KDM5A: variants seen among roughly 807,000 people sequenced by gnomAD.
KDM5A encodes lysine-specific demethylase 5A.
KDM5A carries 42 observed loss-of-function variants against 193.5 expected under a neutral mutation model. The ratio of observed to expected loss-of-function variants is 0.22; its 90% confidence interval spans 0.17 to 0.28. The LOEUF (loss-of-function observed/expected upper bound fraction) is 0.28. Ranked by LOEUF, KDM5A falls within the 10% of genes least tolerant of loss-of-function variation. KDM5A has a pLI of 1.00. For missense variants in KDM5A, 1,692 were observed against 2,055.1 expected (o/e 0.82, Z 3.42); for synonymous variants, 796 against 718.1 (o/e 1.11, Z -1.73).
At chr12:376,766 T>G (rs903391054) in intron 3 of KDM5A, among the ~76,000 whole-genome samples, 54 of 152,186 alleles carry the variant, frequency 3.5e-4, no homozygotes, top group African/African-American at 1.2e-3. Flanking sequence ...GTCTTCTACT[T>G]AAAAGCTCCC....
In KDM5A at chr12:318,099, T is replaced by C; in HGVS notation, c.2897+7A>G. On this transcript the variant is annotated splice_region_variant and intron_variant, in intron 19 of 27. Transcript: ENST00000399788. ...TAAAGAGGCAACTGTCACCAAAATGTGTTCACCTTGCCTGTAGGCAGACCT... is the reference window on the plus strand; with the variant it reads ...TAAAGAGGCAACTGTCACCAAAATGCGTTCACCTTGCCTGTAGGCAGACCT... The C allele has an allele frequency of 6.8e-6, 11 of 1,607,044 alleles. No homozygotes were observed. Among genetic ancestry groups the C allele is most frequent in the Non-Finnish European group, 9.4e-6 (11 of 1,173,492 alleles).
chr12:376,868 T>G (rs974454503), intron 3 of KDM5A, among the ~76,000 whole-genome samples: 1 of 152,246 alleles, frequency 6.6e-6, no homozygotes, highest in East Asian at 1.9e-4. Flanking sequence ...AATACAAATG[T>G]AGACAATATT....
chr12:344,239 A>T (rs1257110648), intron 10 of KDM5A, among the ~76,000 whole-genome samples: 1 of 152,230 alleles, frequency 6.6e-6, no homozygotes, highest in Admixed American at 6.5e-5. Flanking sequence ...AGAAACAAAC[A>T]AAGCCTCCAA....
At chr12:334,100 C>G (rs189525171) in intron 11 of KDM5A, 141 bp downstream of exon 11, 32 of 766,174 alleles carry the variant, frequency 4.2e-5, no homozygotes, top group African/African-American at 4.1e-4. Flanking sequence ...TTTTACTACC[C>G]AAAGAAATAG....
chr12:323,265 ACCAACAATAACTT>A, intron 15 of KDM5A, 59 bp from the exon 16 acceptor site: 1 of 1,480,048 alleles, frequency 6.8e-7, no homozygotes. Context: ...AACCTCAAAA[ACCAACAATAACTT>A]AAAAATAAAG....
In KDM5A at chr12:281,855, T is replaced by C. The variant is rs1943157376; in HGVS notation, c.*3601A>G. The stretch of plus-strand genomic sequence containing the variant: ...AAAATACTGACAAGCAAGTAGTTTC[T>C]TGGCGTGCACGAATTGCATCCAGAA... On this transcript the variant is annotated 3_prime_UTR_variant, in exon 28 of 28. Coordinates refer to ENST00000399788, the MANE Select transcript of KDM5A (RefSeq NM_001042603.3). The C allele has an allele frequency of 3.7e-6, 1 of 271,464 alleles. No homozygotes were observed. The highest frequency in any genetic ancestry group is 5.8e-5 in the East Asian group (1 of 17,258). 16.8% of individuals were successfully genotyped at this position (271,464 alleles called of 1,614,324 possible). A position where few individuals can be genotyped will look rare whatever the true frequency, so the allele number is the denominator to read the frequency against.
chr12:356,979 T>C (rs540199345), intron 5 of KDM5A, among the ~76,000 whole-genome samples: 8 of 152,294 alleles, frequency 5.3e-5, no homozygotes, highest in African/African-American at 1.9e-4. Context: ...AAGACTGCCA[T>C]CTTCTAATAA....
At chr12:377,873 A>C (rs1162311283) in intron 3 of KDM5A, among the ~76,000 whole-genome samples, 4 of 152,212 alleles carry the variant, frequency 2.6e-5, no homozygotes, top group African/African-American at 9.6e-5. Flanking sequence ...GTAAAAAAGA[A>C]TCCAGGAAGA....
At position 334,394 on chromosome 12, in the gene KDM5A, T is replaced by A. The variant is rs1182698725; in HGVS notation, c.1337A>T (p.Asn446Ile). Residue 446 changes from asparagine (N) to isoleucine (I), a missense_variant, in exon 11 of 28, where the codon AAT (asparagine) becomes ATT (isoleucine). Physicochemically the swap from Asn to Ile is moderately radical, Grantham distance 149. Around this residue, in one of 11 missense-constraint regions of KDM5A, gnomAD observed 172 missense variants for 260.3 expected, o/e 0.66. Coordinates refer to ENST00000399788, the MANE Select transcript of KDM5A (RefSeq NM_001042603.3). The part of the protein sequence containing the change: ...EEYALSGWNL[N>I]NMPVLEQSVL... The stretch of plus-strand genomic sequence containing the variant: ...AGACTGTTCCAGGACAGGCATGTTA[T>A]TCAAATTCCAACCAGAAAGTGCATA... The A allele has an allele frequency of 6.2e-7, 1 of 1,613,978 alleles. No homozygotes were observed.
intron 17 of KDM5A, among the ~76,000 whole-genome samples, chr12:321,322 C>T (rs1020292646): frequency 1.3e-5 from 2 of 152,230 alleles, no homozygotes; most frequent in African/African-American, 4.8e-5. Flanking sequence ...CTTCGATCTA[C>T]AAGTATTAAA....
intron 19 of KDM5A, among the ~76,000 whole-genome samples, chr12:313,562 C>T (rs1279463132): frequency 6.6e-6 from 1 of 152,174 alleles, no homozygotes; most frequent in Non-Finnish European, 1.5e-5. Flanking sequence ...CTCTACTCTA[C>T]TTGTCTACAG....
chr12:308,036 G>A, intron 22 of KDM5A, 31 bp from the exon 23 acceptor site: 4 of 1,602,918 alleles, frequency 2.5e-6, no homozygotes, highest in Non-Finnish European at 3.4e-6. Flanking sequence ...ATTGAAAAGA[G>A]TCACTGCAAT....
chr12:377,447 T>G (rs1944521152), intron 3 of KDM5A, among the ~76,000 whole-genome samples: 1 of 151,702 alleles, frequency 6.6e-6, no homozygotes, highest in Non-Finnish European at 1.5e-5. Context: ...CACCGTGAAA[T>G]TTCAAAGCCC....
chr12:327,578 G>A (rs1048444217), intron 14 of KDM5A, among the ~76,000 whole-genome samples: 13 of 151,992 alleles, frequency 8.6e-5, no homozygotes, highest in African/African-American at 1.9e-4. Context: ...TCAAGGTGGC[G>A]CATGCCTGTA....
intron 26 of KDM5A, among the ~76,000 whole-genome samples, chr12:294,791 G>C (rs191158565): frequency 8.5e-5 from 13 of 152,280 alleles, no homozygotes; most frequent in African/African-American, 2.6e-4. Context: ...CTGGATGTGT[G>C]ACCTTAATTT....
intron 8 of KDM5A, among the ~76,000 whole-genome samples, chr12:353,810 T>C (rs1326838158): frequency 1.3e-5 from 2 of 151,450 alleles, no homozygotes; most frequent in African/African-American, 4.9e-5. Context: ...TAGTCCCAGC[T>C]ACTTCGGAGG....
intron 22 of KDM5A, among the ~76,000 whole-genome samples, chr12:308,661 A>C (rs1298845259): frequency 6.6e-6 from 1 of 152,242 alleles, no homozygotes; most frequent in African/African-American, 2.4e-5. Context: ...TTTTCTTGTT[A>C]AACTACTGGC....
chr12:340,705 A>AC (rs1465235396), intron 10 of KDM5A, among the ~76,000 whole-genome samples: 1 of 151,278 alleles, frequency 6.6e-6, no homozygotes, highest in Non-Finnish European at 1.5e-5. Context: ...AAAAAAAAAA[A>AC]AAAAAAAAAA....
In KDM5A at chr12:281,620, A is replaced by G. The variant is rs1049893082; in HGVS notation, c.*3836T>C. 1 of 233,840 alleles carries G rather than the reference A, an allele frequency of 4.3e-6. No individual in the cohort carries two copies. Among genetic ancestry groups the G allele is most frequent in the Non-Finnish European group, 8.4e-6 (1 of 118,514 alleles). 14.5% of individuals were successfully genotyped at this position (233,840 alleles called of 1,614,324 possible). A position where few individuals can be genotyped will look rare whatever the true frequency, so the allele number is the denominator to read the frequency against. On this transcript the variant is annotated 3_prime_UTR_variant, in exon 28 of 28. Transcript: ENST00000399788. ...CTACACACATATGGAGCTAATTCAC[A>G]TGTGAAGCTTTATTAAATCTGGTTA...
Sources: gnomAD v4.1 joint callset for allele counts (sites outside exome capture counted in the v4.1 genomes callset) on GRCh38, gnomAD v4.1.1 for gene constraint, gnomAD v4.1.1 regional missense constraint, MANE v1.5 for transcripts, NCBI Gene and HGNC (gene_info 2026-07-23, HGNC 2026-07-21) for gene names.